EHMT1: variants seen among roughly 807,000 people sequenced by gnomAD.
The protein encoded by EHMT1 is euchromatic histone lysine methyltransferase 1.
A neutral mutation model predicts 147.2 loss-of-function variants in EHMT1; 15 were observed. That is an observed-to-expected ratio of 0.10 (90% CI 0.07 to 0.16). The LOEUF is 0.16. Ranked by LOEUF, EHMT1 falls within the 10% of genes least tolerant of loss-of-function variation. The pLI, the probability that EHMT1 is intolerant of heterozygous loss-of-function variation, is 1.00. For synonymous variants in EHMT1, 795 were observed against 709.6 expected (o/e 1.12, Z -1.91); for missense variants, 1,587 against 1,772.4 (o/e 0.90, Z 1.88).
At chr9:137,803,035 C>A (rs1953634091) in intron 18 of EHMT1, 2 of 1,231,088 alleles carry the variant, frequency 1.6e-6, no homozygotes, top group South Asian at 4.1e-5. Context: ...CCCACCGCCC[C>A]CGGAGACTGC....
chr9:137,816,460 G>A, intron 23 of EHMT1: 1 of 339,522 alleles, frequency 2.9e-6, no homozygotes, highest in South Asian at 2.4e-5. Flanking sequence ...TTCCCTAACA[G>A]TGAGGTGATG....
At chr9:137,806,020 T>TGGTGC (rs1953918390) in intron 18 of EHMT1, among the ~76,000 whole-genome samples, 1 of 147,582 alleles carries the variant, frequency 6.8e-6, no homozygotes, top group African/African-American at 2.5e-5. Context: ...TGGAGTGCAG[T>TGGTGC]GGTGCGATAG....
rs1244680098 is a variant in EHMT1, at chr9:137,813,745, C to T, written c.3180+215C>T. Among the ~76,000 whole-genome samples, 1 of 152,152 alleles carries T rather than the reference C, an allele frequency of 6.6e-6. No homozygotes were observed. Among genetic ancestry groups the T allele is most frequent in the African/African-American group, 2.4e-5 (1 of 41,430 alleles). ...CCCAGCCCTGGGCCCTCTCATTGCTCTTCCAAGGCTTCTTACCGACCCAAA... is the reference window on the plus strand; with the variant it reads ...CCCAGCCCTGGGCCCTCTCATTGCTTTTCCAAGGCTTCTTACCGACCCAAA... On this transcript the variant is annotated intron_variant, in intron 21 of 26. Transcript: ENST00000460843. The surrounding 1 kb of genome is among the most constrained non-coding windows in gnomAD (Gnocchi z 4.9).
chr9:137,766,912 G>A (rs983684134), intron 10 of EHMT1, among the ~76,000 whole-genome samples: 2 of 151,788 alleles, frequency 1.3e-5, no homozygotes, highest in African/African-American at 4.8e-5. Context: ...CCACCTTTGG[G>A]GCTCAGGTGA....
chr9:137,625,656 GT>G (rs1843209464), intron 1 of EHMT1, among the ~76,000 whole-genome samples: 1 of 151,698 alleles, frequency 6.6e-6, no homozygotes, highest in Admixed American at 6.6e-5. Context: ...ATTCTTTACT[GT>G]TTTCTCTGTG....
At chr9:137,774,108 G>C (rs1227347585) in intron 10 of EHMT1, among the ~76,000 whole-genome samples, 1 of 152,216 alleles carries the variant, frequency 6.6e-6, no homozygotes, top group Non-Finnish European at 1.5e-5. Flanking sequence ...GGCTGCCCCA[G>C]AATCCTTGGG....
chr9:137,775,125 A>G lies in EHMT1; in HGVS notation c.1664A>G (p.Asn555Ser), dbSNP rs771998142. The change falls in exon 11 of 27, where the codon AAC becomes AGC. Residue 555 changes from asparagine (N) to serine (S), a missense_variant. This residue lies in a region of EHMT1 where 124 missense variants were observed against 197.8 expected (regional missense o/e 0.63). Transcript: ENST00000460843. This position sits in a 1 kb window ranked among gnomAD's most constrained non-coding sequence, Gnocchi z 6.1. ...TGATTGCAGTTGGGCCGGTGCACAA[A>G]CAGCGTGGTCAAGTATGAGCTGATG... is the stretch of plus-strand genomic sequence containing the variant. The part of the protein sequence containing the change: ...SVDHELGRCT[N>S]SVVKYELMRP... 13 of 1,613,946 alleles carry G rather than the reference A, an allele frequency of 8.1e-6. No homozygotes were observed. The South Asian group carries it at 1.3e-4, about 16-fold the overall frequency.
chr9:137,625,750 C>T (rs1040906281), intron 1 of EHMT1, among the ~76,000 whole-genome samples: 4 of 151,950 alleles, frequency 2.6e-5, no homozygotes, highest in Admixed American at 2.6e-4. Flanking sequence ...CTTGTCATGT[C>T]TTGGTCTTGT....
At chr9:137,753,645 G>GCATC (rs1372725198) in intron 7 of EHMT1, among the ~76,000 whole-genome samples, 3 of 152,230 alleles carry the variant, frequency 2.0e-5, no homozygotes, top group Admixed American at 1.3e-4. Flanking sequence ...CGCCTGCTGT[G>GCATC]CATCCGTGTG....
intron 1 of EHMT1, among the ~76,000 whole-genome samples, chr9:137,684,061 G>T (rs911709916): frequency 1.9e-4 from 29 of 151,918 alleles, no homozygotes; most frequent in African/African-American, 6.8e-4. Context: ...TTGAGACAGG[G>T]CCTCACTCTG....
intron 25 of EHMT1, 140 bp downstream of exon 25, chr9:137,818,278 C>A: frequency 2.1e-6 from 2 of 946,702 alleles, no homozygotes; most frequent in East Asian, 2.6e-5. Context: ...TGCTGAGTGC[C>A]GCATTTGGAG....
intron 1 of EHMT1, among the ~76,000 whole-genome samples, chr9:137,683,781 CTTTA>C (rs1248212507): frequency 2.0e-5 from 3 of 151,888 alleles, no homozygotes; most frequent in African/African-American, 4.8e-5. Flanking sequence ...TATTAATTTC[CTTTA>C]TTTAAATTAA....
Position 137,734,370 on chromosome 9 carries a change from CAA to C in EHMT1, c.823+5843_823+5844del, listed in dbSNP as rs1442291307. ...AAATGAAAAATTCACTAGAGGAAAT[CAA>C]AGGCAGATCTGAACAGACGGAAGAA... On this transcript the variant is annotated intron_variant, in intron 4 of 26. Transcript: ENST00000460843. Among the ~76,000 whole-genome samples, 5 of 152,188 alleles carry C rather than the reference CAA, an allele frequency of 3.3e-5. No individual in the cohort carries two copies. In the East Asian group the frequency reaches 9.6e-4, roughly 29 times the overall value.
chr9:137,779,857 T>G, intron 14 of EHMT1, 140 bp downstream of exon 14: 1 of 892,406 alleles, frequency 1.1e-6, no homozygotes, highest in Non-Finnish European at 1.8e-6. Flanking sequence ...CTCTGATGAG[T>G]GAGAATAGGT....
Position 137,728,613 on chromosome 9 carries a change from G to C in EHMT1, c.823+84G>C, listed in dbSNP as rs561486305. ...TGCCAGGTGAGAGTTCTGTTTGGCT[G>C]TAAGTGCCTGTGCTGCTCTTGATGA... is the stretch of plus-strand genomic sequence containing the variant. On this transcript the variant is annotated intron_variant, in intron 4 of 26. Coordinates refer to ENST00000460843, the MANE Select transcript of EHMT1 (RefSeq NM_024757.5). 1.2e-4 allele frequency: 182 copies of C among 1,568,898 alleles called. No individual in the cohort carries two copies. The African/African-American group carries it at 2.1e-3, about 18-fold the overall frequency.
At chr9:137,646,486 A>G (rs1844892822) in intron 1 of EHMT1, 3 of 973,920 alleles carry the variant, frequency 3.1e-6, no homozygotes, top group Non-Finnish European at 2.4e-6. Flanking sequence ...GTTTTGTGGG[A>G]GAGAGGAGCT....
chr9:137,809,196 C>T (rs1184933177), intron 18 of EHMT1, among the ~76,000 whole-genome samples: 1 of 152,150 alleles, frequency 6.6e-6, no homozygotes, highest in Admixed American at 6.6e-5. Context: ...GGGGGCTGGC[C>T]GTTTGTGGAT....
At chr9:137,621,934 C>G (rs571463615) in intron 1 of EHMT1, among the ~76,000 whole-genome samples, 11 of 151,414 alleles carry the variant, frequency 7.3e-5, no homozygotes, top group Non-Finnish European at 1.6e-4. Flanking sequence ...TTCTCATCTC[C>G]TGTCTTTCTT....
Position 137,821,318 on chromosome 9 carries a change from C to CTTTTT in EHMT1, c.3540+3201_3540+3205dup, listed in dbSNP as rs778919891. 2.5e-3 allele frequency among the ~76,000 whole-genome samples: 157 copies of CTTTTT among 63,972 alleles called. 21 individuals carry two copies. Among genetic ancestry groups the CTTTTT allele is most frequent in the African/African-American group, 9.2e-3 (134 of 14,620 alleles). The allele number at this position is 63,972 out of a possible 152,430, so 42.0% of individuals were successfully genotyped here. ...ACAGGCATGAGCCACTGCGCCCGGC[C>CTTTTT]TTTTTTTTTTTTTTTTTTTTTTTTT... On this transcript the variant is annotated intron_variant, in intron 25 of 26. Transcript: ENST00000460843.
Sources: gnomAD v4.1 joint callset for allele counts (sites outside exome capture counted in the v4.1 genomes callset) on GRCh38, gnomAD v4.1.1 for gene constraint, gnomAD v4.1.1 regional missense constraint, Gnocchi (gnomAD v3.1) non-coding constraint, MANE v1.5 for transcripts, NCBI Gene and HGNC (gene_info 2026-07-23, HGNC 2026-07-21) for gene names.